Variants in CHD1 observed in about 807,000 individuals in gnomAD.
CHD1 encodes the protein ATP-dependent chromatin remodeler CHD1.
In CHD1, 36 loss-of-function variants were observed where a neutral mutation model predicts 224.2. That is an observed-to-expected ratio of 0.16 (90% CI 0.12 to 0.21). CHD1 has a LOEUF of 0.21. CHD1 is among the 10% of genes least tolerant of loss of function. The pLI is 1.00. For missense variants in CHD1, 1,378 were observed against 1,994.8 expected (o/e 0.69, Z 5.89); for synonymous variants, 668 against 658.3 (o/e 1.01, Z -0.23).
intron 13 of CHD1, 112 bp from the exon 14 acceptor site, chr5:98,893,718 T>A (rs1042312175): frequency 4.4e-6 from 3 of 686,604 alleles, no homozygotes; most frequent in Non-Finnish European, 7.2e-6. Flanking sequence ...AAACAAACTT[T>A]GTCTAATTTT....
At chr5:98,897,969 CTGACATA>C (rs1751450972) in intron 10 of CHD1, among the ~76,000 whole-genome samples, 1 of 152,074 alleles carries the variant, frequency 6.6e-6, no homozygotes, top group Non-Finnish European at 1.5e-5. Flanking sequence ...ACTCATCTTT[CTGACATA>C]GTGATGCTCA....
chr5:98,925,587 T>C (rs890943495), intron 2 of CHD1, among the ~76,000 whole-genome samples: 2 of 152,196 alleles, frequency 1.3e-5, no homozygotes, highest in African/African-American at 4.8e-5. Flanking sequence ...CTACATGGAT[T>C]GTAAACTAAT....
chr5:98,903,805 C>T lies in CHD1; in HGVS notation c.359G>A (p.Ser120Asn). The T allele has an allele frequency of 6.2e-7, 1 of 1,611,808 alleles. No individual in the cohort carries two copies. Among genetic ancestry groups the T allele is most frequent in the South Asian group, 1.1e-5 (1 of 91,024 alleles). The change falls in exon 4 of 36, where the codon AGC (serine) becomes AAC (asparagine). Residue 120 changes from serine to asparagine, a missense_variant. By Grantham distance (46) the Ser-to-Asn change is conservative. This residue lies in a region of CHD1 where 306 missense variants were observed against 298.1 expected (regional missense o/e 1.03). Transcript: ENST00000614616. Reference sequence around the variant, plus strand: ...ATGAAAATGCACCTCTTCTGATCCGCTATTAGATGAGGCTTGATGTTGTTG... The same window carrying T: ...ATGAAAATGCACCTCTTCTGATCCGTTATTAGATGAGGCTTGATGTTGTTG... The part of the protein sequence containing the change: ...QQQQHQASSN[S>N]GSEEDSSSSE...
At chr5:98,862,363 A>G (rs575309467) in intron 32 of CHD1, among the ~76,000 whole-genome samples, 5 of 152,276 alleles carry the variant, frequency 3.3e-5, no homozygotes, top group African/African-American at 9.6e-5. Flanking sequence ...AATCTGCCCA[A>G]CTGAGTAAAG....
Sources: allele counts gnomAD v4.1 joint callset (sites outside exome capture counted in the v4.1 genomes callset), GRCh38; gene constraint gnomAD v4.1.1; regional missense constraint gnomAD v4.1.1; transcripts MANE v1.5; gene names NCBI Gene and HGNC (gene_info 2026-07-23, HGNC 2026-07-21).